Variants in KCNMA1 observed in about 807,000 individuals in gnomAD.
KCNMA1 encodes the protein potassium calcium-activated channel subfamily M alpha 1.
KCNMA1 carries 29 observed loss-of-function variants against 140.0 expected under a neutral mutation model. That is an observed-to-expected ratio of 0.21 (90% CI 0.15 to 0.28). The LOEUF (loss-of-function observed/expected upper bound fraction) is 0.28. KCNMA1 is among the 10% of genes least tolerant of loss of function. The pLI is 1.00. For synonymous variants in KCNMA1, 612 were observed against 611.9 expected (o/e 1.00, Z 0.00); for missense variants, 880 against 1,602.2 (o/e 0.55, Z 7.70).
intron 15 of KCNMA1, among the ~76,000 whole-genome samples, chr10:77,036,006 G>A (rs1594365483): frequency 1.3e-5 from 2 of 152,314 alleles, no homozygotes; most frequent in South Asian, 2.1e-4. Flanking sequence ...GGGAGAAGTA[G>A]ATCCACCCTC....
chr10:77,322,583 G>A (rs1815047452), intron 2 of KCNMA1, among the ~76,000 whole-genome samples: 2 of 152,154 alleles, frequency 1.3e-5, no homozygotes, highest in Admixed American at 6.5e-5. Flanking sequence ...GACTGGAGGT[G>A]GGTCACATTG....
intron 6 of KCNMA1, among the ~76,000 whole-genome samples, chr10:77,114,554 C>T (rs1254290339): frequency 1.3e-5 from 2 of 152,230 alleles, no homozygotes; most frequent in African/African-American, 4.8e-5. Flanking sequence ...GCCAGCTAAA[C>T]CTATTTACTA....
chr10:76,894,020 A>G (rs2041415959), intron 25 of KCNMA1, among the ~76,000 whole-genome samples: 1 of 152,220 alleles, frequency 6.6e-6, no homozygotes, highest in Admixed American at 6.5e-5. Context: ...AGCCAAAGCA[A>G]TCTTATAGCC....
At chr10:77,086,402 G>A in intron 11 of KCNMA1, 86 bp downstream of exon 11, 1 of 971,396 alleles carries the variant, frequency 1.0e-6, no homozygotes, top group Non-Finnish European at 1.7e-6. Flanking sequence ...CAACCTAGGA[G>A]GTGTGTCCCC....
chr10:77,251,887 A>G lies in KCNMA1; in HGVS notation c.541-631T>C, dbSNP rs1379945343. ...AATCTACTTTCTGTCACTACATAAG[A>G]GATACCAATTTGAAGATCACAAATT... On this transcript the variant is annotated intron_variant, in intron 2 of 27. Transcript: ENST00000286628. Among the ~76,000 whole-genome samples, 4 of 152,326 alleles carry G rather than the reference A, an allele frequency of 2.6e-5. No homozygotes were observed. In the East Asian group the frequency reaches 5.8e-4, roughly 22 times the overall value.
chr10:77,522,205 A>ATAAATAAATAAATAAATAAG (rs2053666075), intron 1 of KCNMA1, among the ~76,000 whole-genome samples: 1 of 151,554 alleles, frequency 6.6e-6, no homozygotes, highest in African/African-American at 2.4e-5. Context: ...AAATAAATAA[A>ATAAATAAATAAATAAATAAG]TAAGACTCAG....
chr10:76,927,824 T>C (rs2058153066), intron 23 of KCNMA1, among the ~76,000 whole-genome samples: 1 of 152,148 alleles, frequency 6.6e-6, no homozygotes, highest in Admixed American at 6.6e-5. Flanking sequence ...TAGCAAACAT[T>C]ACCCAGCATA....
In KCNMA1 at chr10:77,351,088, C is replaced by G. The variant is rs143416954; in HGVS notation, c.540+52774G>C. On this transcript the variant is annotated intron_variant, in intron 2 of 27. Transcript: ENST00000286628. The stretch of plus-strand genomic sequence containing the variant: ...CCACCAGGACAATGCTTTCAGGGGA[C>G]TTTATCCAAAAGACTGCAACAATGT... 4.1e-3 allele frequency among the ~76,000 whole-genome samples: 618 copies of G among 152,276 alleles called. 4 individuals carry two copies. Among genetic ancestry groups the G allele is most frequent in the Middle Eastern group, 0.017 (5 of 294 alleles).
chr10:77,504,073 TC>T, intron 1 of KCNMA1, among the ~76,000 whole-genome samples: 1 of 152,132 alleles, frequency 6.6e-6, no homozygotes, highest in Non-Finnish European at 1.5e-5. Flanking sequence ...TTGGGTAGCA[TC>T]TCCATCAGCT....
chr10:77,410,471 G>C (rs2096594425), intron 1 of KCNMA1, among the ~76,000 whole-genome samples: 1 of 152,204 alleles, frequency 6.6e-6, no homozygotes, highest in Non-Finnish European at 1.5e-5. Context: ...GTCTGCCTCG[G>C]GTTTAACTAC....
Position 77,183,535 on chromosome 10 carries a change from G to A in KCNMA1, c.697-3C>T. ...AATTTATCGTTGGCTGCAATAAACT[G>A]GGGGAAAGAAGAAATAAGAAAGAGA... On this transcript the variant is annotated splice_region_variant and splice_polypyrimidine_tract_variant and intron_variant, in intron 4 of 27. Coordinates refer to ENST00000286628, the MANE Select transcript of KCNMA1 (RefSeq NM_001161352.2). 1.3e-6 allele frequency: 2 copies of A among 1,590,598 alleles called. No homozygotes were observed. Among genetic ancestry groups the A allele is most frequent in the Non-Finnish European group, 1.7e-6 (2 of 1,159,160 alleles).
chr10:77,585,497 G>T (rs558796133), intron 1 of KCNMA1, among the ~76,000 whole-genome samples: 2 of 152,210 alleles, frequency 1.3e-5, no homozygotes, highest in African/African-American at 4.8e-5. Flanking sequence ...TTATCAGATT[G>T]CTTTCACTAG....
chr10:77,571,022 T>C (rs1041211374), intron 1 of KCNMA1, among the ~76,000 whole-genome samples: 2 of 152,224 alleles, frequency 1.3e-5, no homozygotes, highest in African/African-American at 4.8e-5. Flanking sequence ...TGTGTGCCAA[T>C]TGCTGAAGAT....
chr10:77,387,081 G>A (rs528430394), intron 2 of KCNMA1, among the ~76,000 whole-genome samples: 1 of 152,260 alleles, frequency 6.6e-6, no homozygotes, highest in African/African-American at 2.4e-5. Flanking sequence ...TGTGATCAGC[G>A]TGTGCTTCAT....
chr10:76,901,093 C>T (rs1170271168), intron 25 of KCNMA1, among the ~76,000 whole-genome samples: 2 of 152,000 alleles, frequency 1.3e-5, no homozygotes, highest in South Asian at 2.1e-4. Context: ...CCTATGGAGG[C>T]TCTGCAAATC....
intron 1 of KCNMA1, among the ~76,000 whole-genome samples, chr10:77,421,402 G>A (rs140569755): frequency 2.0e-4 from 31 of 152,346 alleles, no homozygotes; most frequent in Middle Eastern, 6.8e-3. Flanking sequence ...GCATTTGCAA[G>A]TACTTGTTCA....
chr10:76,931,409 A>C (rs2059238260), intron 23 of KCNMA1, among the ~76,000 whole-genome samples: 1 of 151,992 alleles, frequency 6.6e-6, no homozygotes, highest in Admixed American at 6.6e-5. Flanking sequence ...AGGGTCACAG[A>C]GAAGATTCAT....
At chr10:77,079,403 T>TGTGTGA (rs1555210688) in intron 13 of KCNMA1, 78 bp downstream of exon 13, 3 of 799,276 alleles carry the variant, frequency 3.8e-6, no homozygotes, top group Admixed American at 1.7e-5. Context: ...TGTGTGTGTG[T>TGTGTGA]GAGCCTGTAT....
intron 1 of KCNMA1, among the ~76,000 whole-genome samples, chr10:77,530,838 G>T (rs57804101): frequency 2.0e-5 from 3 of 152,030 alleles, no homozygotes; most frequent in African/African-American, 7.3e-5. Context: ...AAATTGTCTC[G>T]ATTTTTTCAA....
Sources: allele counts gnomAD v4.1 joint callset (sites outside exome capture counted in the v4.1 genomes callset), GRCh38; gene constraint gnomAD v4.1.1; transcripts MANE v1.5; gene names NCBI Gene and HGNC (gene_info 2026-07-23, HGNC 2026-07-21).